FHIT: variants seen among roughly 807,000 people sequenced by gnomAD.
The protein encoded by FHIT is bis(5'-adenosyl)-triphosphatase.
A neutral mutation model predicts 17.9 loss-of-function variants in FHIT; 19 were observed. The observed-to-expected ratio is 1.06, with a 90% CI of 0.74 to 1.56. The LOEUF is 1.56. FHIT is among the 40% of genes most tolerant of loss of function. The probability of loss-of-function intolerance (pLI) is 0.00; values close to 1 mark genes in which losing one functional copy is unlikely to be tolerated. For synonymous variants in FHIT, 81 were observed against 69.7 expected, an observed-to-expected ratio of 1.16 and a Z score of -0.81; for missense variants, 248 against 189.2, an observed-to-expected ratio of 1.31 and a Z score of -1.82.
Position 60,807,502 on chromosome 3 carries a change from C to T in FHIT, c.-18+14417G>A, listed in dbSNP as rs541199967. 9.2e-5 allele frequency among the ~76,000 whole-genome samples: 14 copies of T among 152,090 alleles called. 1 individual carries two copies. The highest frequency in any genetic ancestry group is 2.1e-4 in the South Asian group (1 of 4,812). On this transcript the variant is annotated intron_variant, in intron 4 of 9. Transcript: ENST00000492590. Reference sequence around the variant, plus strand: ...TACTTATGAAGCTGAGGTGGGAGGACGCCAGAGCCCGGGAGGTAGAGGCTA... The same window carrying T: ...TACTTATGAAGCTGAGGTGGGAGGATGCCAGAGCCCGGGAGGTAGAGGCTA...
At chr3:60,149,274 A>G (rs974948685) in intron 5 of FHIT, among the ~76,000 whole-genome samples, 1 of 152,120 alleles carries the variant, frequency 6.6e-6, no homozygotes, top group Non-Finnish European at 1.5e-5. Context: ...ACTCAAAGAG[A>G]GAATTTTGTA....
Position 60,338,555 on chromosome 3 carries a change from A to G in FHIT, c.103+198305T>C, listed in dbSNP as rs1710357674. Among the ~76,000 whole-genome samples the G allele has an allele frequency of 3.3e-5, 5 of 152,282 alleles. No individual in the cohort carries two copies. In the South Asian group the frequency reaches 1.0e-3, roughly 32 times the overall value. ...TGTCAGATTGTTTCTTATACCTAGA[A>G]TTGATAGAAATCCTTTATCACATGC... On this transcript the variant is annotated intron_variant, in intron 5 of 9. Transcript: ENST00000492590.
chr3:60,619,576 C>A (rs140904033), intron 4 of FHIT, among the ~76,000 whole-genome samples: 3 of 107,248 alleles, frequency 2.8e-5, no homozygotes, highest in South Asian at 2.9e-4. Context: ...ACAAATGGAT[C>A]TAGAACAAAT....
At chr3:60,646,088 C>G (rs559388189) in intron 4 of FHIT, among the ~76,000 whole-genome samples, 10 of 152,220 alleles carry the variant, frequency 6.6e-5, no homozygotes, top group African/African-American at 2.4e-4. Context: ...AGAACTTTAC[C>G]AAATTTGGTT....
At chr3:60,256,869 G>A (rs959605520) in intron 5 of FHIT, among the ~76,000 whole-genome samples, 1 of 152,096 alleles carries the variant, frequency 6.6e-6, no homozygotes, top group Non-Finnish European at 1.5e-5. Context: ...CTCCCATCAT[G>A]TTCTTCAGAA....
chr3:60,668,434 GACTTAGGAAACACTC>G (rs1283209544), intron 4 of FHIT, among the ~76,000 whole-genome samples: 382 of 150,150 alleles, frequency 2.5e-3, no homozygotes, highest in African/African-American at 8.5e-3. Context: ...GCCAGGCTTG[GACTTAGGAAACACTC>G]AGTTAGGAAA....
intron 5 of FHIT, among the ~76,000 whole-genome samples, chr3:60,261,325 A>C (rs1168103524): frequency 6.6e-6 from 1 of 152,060 alleles, no homozygotes; most frequent in Non-Finnish European, 1.5e-5. Context: ...AAAACAAAAG[A>C]CATATATATC....
chr3:60,547,145 A>C (rs2036394131), intron 4 of FHIT, among the ~76,000 whole-genome samples: 1 of 152,234 alleles, frequency 6.6e-6, no homozygotes, highest in South Asian at 2.1e-4. Flanking sequence ...GGCAGAAAGC[A>C]ATTTTATTTT....
At chr3:61,020,204 T>G (rs1450782141) in intron 3 of FHIT, among the ~76,000 whole-genome samples, 1 of 152,218 alleles carries the variant, frequency 6.6e-6, no homozygotes, top group African/African-American at 2.4e-5. Context: ...CACCTGTTGT[T>G]TCATGACTTT....
intron 4 of FHIT, among the ~76,000 whole-genome samples, chr3:60,704,368 G>T (rs1377901094): frequency 3.3e-5 from 5 of 152,040 alleles, no homozygotes; most frequent in Admixed American, 3.3e-4. Context: ...ATTTTAAAAA[G>T]AATTATTTTT....
At chr3:60,525,065 T>C (rs568804762) in intron 5 of FHIT, among the ~76,000 whole-genome samples, 1 of 152,182 alleles carries the variant, frequency 6.6e-6, no homozygotes, top group Non-Finnish European at 1.5e-5. Flanking sequence ...GTGATAACTT[T>C]GGCTTTAGTT....
chr3:60,047,507 A>G (rs1346413949), intron 5 of FHIT, among the ~76,000 whole-genome samples: 1 of 152,224 alleles, frequency 6.6e-6, no homozygotes, highest in Non-Finnish European at 1.5e-5. Context: ...CAGAGAAACC[A>G]GACAACAGTC....
At chr3:60,209,320 T>C (rs1429921874) in intron 5 of FHIT, among the ~76,000 whole-genome samples, 5 of 152,192 alleles carry the variant, frequency 3.3e-5, no homozygotes, top group African/African-American at 1.2e-4. Flanking sequence ...ATATTACGTC[T>C]AGGCACTGTA....
intron 5 of FHIT, among the ~76,000 whole-genome samples, chr3:60,419,220 C>T (rs564217573): frequency 4.5e-4 from 68 of 152,250 alleles, no homozygotes; most frequent in Non-Finnish European, 1.5e-4. Flanking sequence ...CAACAGTGCC[C>T]GTCTCATAAA....
At chr3:60,167,245 C>G (rs1444772880) in intron 5 of FHIT, among the ~76,000 whole-genome samples, 1 of 152,160 alleles carries the variant, frequency 6.6e-6, no homozygotes, top group Non-Finnish European at 1.5e-5. Context: ...CACTTTAAGC[C>G]TCATAGATAT....
chr3:61,110,039 G>A (rs1308219207), intron 2 of FHIT, among the ~76,000 whole-genome samples: 1 of 152,144 alleles, frequency 6.6e-6, no homozygotes, highest in Non-Finnish European at 1.5e-5. Flanking sequence ...TTCTGCCTGT[G>A]ATCCTGGACT....
chr3:60,983,432 G>A (rs1329829516), intron 3 of FHIT, among the ~76,000 whole-genome samples: 3 of 152,080 alleles, frequency 2.0e-5, no homozygotes, highest in African/African-American at 7.2e-5. Context: ...CAGCTCCTTT[G>A]GACAATAAGT....
chr3:60,309,900 A>G (rs954748953), intron 5 of FHIT, among the ~76,000 whole-genome samples: 2 of 152,066 alleles, frequency 1.3e-5, no homozygotes, highest in African/African-American at 4.8e-5. Context: ...TACTTACTAT[A>G]ATTTTTAAAA....
intron 8 of FHIT, among the ~76,000 whole-genome samples, chr3:59,898,958 G>A (rs1704199083): frequency 6.6e-6 from 1 of 152,134 alleles, no homozygotes; most frequent in Admixed American, 6.6e-5. Flanking sequence ...TTATCAATGA[G>A]GATAGTGAGA....
Sources: gnomAD v4.1 joint callset for allele counts (sites outside exome capture counted in the v4.1 genomes callset) on GRCh38, gnomAD v4.1.1 for gene constraint, MANE v1.5 for transcripts, NCBI Gene and HGNC (gene_info 2026-07-23, HGNC 2026-07-21) for gene names.